Variants in ITGBL1 observed in about 807,000 individuals in gnomAD.
ITGBL1 encodes integrin subunit beta like 1, also known as integrin beta-like protein 1.
Under a neutral mutation model 68.5 loss-of-function variants are expected in ITGBL1, and 51 were observed. That is an observed-to-expected ratio of 0.74 (90% CI 0.59 to 0.94). The LOEUF is 0.94. Ranked by LOEUF, ITGBL1 falls within the 40% of genes least tolerant of loss-of-function variation. The pLI, the probability that ITGBL1 is intolerant of heterozygous loss-of-function variation, is 0.00. For synonymous variants in ITGBL1, 209 were observed against 227.3 expected (o/e 0.92, Z 0.72); for missense variants, 649 against 647.4 (o/e 1.00, Z -0.03).
At chr13:101,608,061 C>G (rs1400326468) in intron 7 of ITGBL1, among the ~76,000 whole-genome samples, 1 of 152,030 alleles carries the variant, frequency 6.6e-6, no homozygotes, top group Non-Finnish European at 1.5e-5. Flanking sequence ...TAACCATACA[C>G]CCCCATAAGG....
intron 7 of ITGBL1, among the ~76,000 whole-genome samples, chr13:101,684,126 C>T (rs1287055254): frequency 6.6e-6 from 1 of 151,948 alleles, no homozygotes; most frequent in Non-Finnish European, 1.5e-5. Flanking sequence ...GAAAAGTCAT[C>T]TTTCCTTTGT....
chr13:101,472,610 G>T (rs2048478153), intron 2 of ITGBL1, among the ~76,000 whole-genome samples: 3 of 152,210 alleles, frequency 2.0e-5, no homozygotes, highest in Admixed American at 2.0e-4. Flanking sequence ...AAACGTAAAT[G>T]GTTTTAAATG....
chr13:101,682,405 A>G (rs115478826), intron 7 of ITGBL1, among the ~76,000 whole-genome samples: 109 of 152,242 alleles, frequency 7.2e-4, no homozygotes, highest in Middle Eastern at 3.4e-3. Context: ...TATCTTATGG[A>G]TAACATTCCA....
intron 7 of ITGBL1, among the ~76,000 whole-genome samples, chr13:101,678,502 C>CT (rs34943103): frequency 0.57 from 80,997 of 143,138 alleles, 23,260 homozygotes; most frequent in East Asian, 0.88. Context: ...TTCACTGAGA[C>CT]TTTTTTTTTT....
intron 7 of ITGBL1, among the ~76,000 whole-genome samples, chr13:101,691,169 C>T (rs939631656): frequency 1.3e-5 from 2 of 152,126 alleles, no homozygotes; most frequent in African/African-American, 2.4e-5. Flanking sequence ...TGTGCCTGTT[C>T]TAGCTGCCAG....
chr13:101,485,352 A>C (rs2048686207), intron 2 of ITGBL1, among the ~76,000 whole-genome samples: 2 of 152,170 alleles, frequency 1.3e-5, no homozygotes, highest in Non-Finnish European at 2.9e-5. Context: ...TTTTAAAGAG[A>C]AGTTTGCATC....
At chr13:101,584,623 T>A (rs2050519889) in intron 6 of ITGBL1, among the ~76,000 whole-genome samples, 1 of 152,188 alleles carries the variant, frequency 6.6e-6, no homozygotes, top group South Asian at 2.1e-4. Context: ...CCTCTTCTGA[T>A]AATCTCTTGT....
chr13:101,565,903 C>CTG (rs1326945470), intron 2 of ITGBL1, among the ~76,000 whole-genome samples: 3 of 152,018 alleles, frequency 2.0e-5, no homozygotes, highest in Non-Finnish European at 2.9e-5. Flanking sequence ...TCTCCCTATC[C>CTG]TGTATACATT....
At chr13:101,714,911 C>T (rs2034643987) in intron 10 of ITGBL1, 1 of 220,356 alleles carries the variant, frequency 4.5e-6, no homozygotes. Context: ...TTCTTTTAAA[C>T]AGAATCTGGG....
intron 8 of ITGBL1, among the ~76,000 whole-genome samples, chr13:101,704,805 TACTTTTAA>T (rs2034218383): frequency 6.6e-6 from 1 of 152,260 alleles, no homozygotes; most frequent in African/African-American, 2.4e-5. Flanking sequence ...ACATGCATGC[TACTTTTAA>T]ACTTTAATGG....
chr13:101,597,273 T>C (rs533990302), intron 6 of ITGBL1, among the ~76,000 whole-genome samples: 2 of 152,276 alleles, frequency 1.3e-5, no homozygotes, highest in African/African-American at 4.8e-5. Context: ...CTCTCTGATA[T>C]TGTTTGTTAG....
intron 2 of ITGBL1, among the ~76,000 whole-genome samples, chr13:101,512,792 C>T (rs1353381715): frequency 6.6e-6 from 1 of 152,166 alleles, no homozygotes; most frequent in Admixed American, 6.6e-5. Context: ...AAGCCTCCCC[C>T]AGGTCCTGCA....
chr13:101,555,369 GT>G (rs938521328), intron 2 of ITGBL1, among the ~76,000 whole-genome samples: 57 of 152,184 alleles, frequency 3.7e-4, no homozygotes, highest in African/African-American at 1.3e-3. Flanking sequence ...ATTAATTCTA[GT>G]GTTTTCTTCT....
At chr13:101,513,779 C>A (rs1236243043) in intron 2 of ITGBL1, among the ~76,000 whole-genome samples, 1 of 151,920 alleles carries the variant, frequency 6.6e-6, no homozygotes, top group Admixed American at 6.6e-5. Flanking sequence ...GAATTGTTAA[C>A]GAGGATGTAT....
intron 2 of ITGBL1, among the ~76,000 whole-genome samples, chr13:101,538,266 T>C (rs1312296680): frequency 6.6e-6 from 1 of 151,912 alleles, no homozygotes. Context: ...CTAAAGAAGA[T>C]GAATTCTTAG....
At chr13:101,554,932 C>T (rs963634035) in intron 2 of ITGBL1, among the ~76,000 whole-genome samples, 3 of 152,166 alleles carry the variant, frequency 2.0e-5, no homozygotes, top group Non-Finnish European at 2.9e-5. Context: ...TCTGTCTTCC[C>T]CCAGGCAGTG....
At chr13:101,523,225 G>A (rs1286260065) in intron 2 of ITGBL1, among the ~76,000 whole-genome samples, 5 of 152,160 alleles carry the variant, frequency 3.3e-5, no homozygotes, top group Non-Finnish European at 7.3e-5. Context: ...TGCTGGACAT[G>A]TTTCAGTAAT....
Position 101,692,565 on chromosome 13 carries a change from ACTTT to A in ITGBL1, c.1016-15_1016-12del, listed in dbSNP as rs769558792. The A allele has an allele frequency of 2.6e-6, 4 of 1,540,260 alleles. No homozygotes were observed. In the Admixed American group the frequency reaches 5.0e-5, roughly 19 times the overall value. On this transcript the variant is annotated splice_polypyrimidine_tract_variant and intron_variant, in intron 7 of 10. Coordinates refer to ENST00000376180, the MANE Select transcript of ITGBL1 (RefSeq NM_004791.3). ...TCCGGGACTCTCCTCATAAGTGTGC[ACTTT>A]CTTTATACTTTCCAGGTAAATGTGA...
At chr13:101,560,768 TA>T in intron 2 of ITGBL1, among the ~76,000 whole-genome samples, 1 of 152,348 alleles carries the variant, frequency 6.6e-6, no homozygotes, top group African/African-American at 2.4e-5. Flanking sequence ...TTTTTGTATT[TA>T]CAATCTCTGA....
Sources: gnomAD v4.1 joint callset for allele counts (sites outside exome capture counted in the v4.1 genomes callset) on GRCh38, gnomAD v4.1.1 for gene constraint, MANE v1.5 for transcripts, NCBI Gene and HGNC (gene_info 2026-07-23, HGNC 2026-07-21) for gene names.